SLAIN1: variants seen among roughly 807,000 people sequenced by gnomAD.
SLAIN1 encodes SLAIN motif-containing protein 1.
Under a neutral mutation model 55.4 loss-of-function variants are expected in SLAIN1, and 17 were observed. That is an observed-to-expected ratio of 0.31 (90% confidence interval 0.21 to 0.46). SLAIN1 has a LOEUF of 0.46. Among genes scored for constraint, SLAIN1 ranks in the 20% least tolerant of loss-of-function variants. The pLI is 1.00. For missense variants in SLAIN1, 682 were observed against 785.1 expected, an observed-to-expected ratio of 0.87 and a Z score of 1.57; for synonymous variants, 348 against 337.4, an observed-to-expected ratio of 1.03 and a Z score of -0.35.
At chr13:77,728,956 G>A (rs1309674426) in intron 2 of SLAIN1, among the ~76,000 whole-genome samples, 1 of 152,122 alleles carries the variant, frequency 6.6e-6, no homozygotes, top group Non-Finnish European at 1.5e-5. Flanking sequence ...AAAACAATCT[G>A]GAATCATATT....
chr13:77,752,540 A>G (rs914048972), intron 4 of SLAIN1, among the ~76,000 whole-genome samples: 3 of 152,078 alleles, frequency 2.0e-5, no homozygotes, highest in African/African-American at 7.2e-5. Context: ...ATGAAGGGGC[A>G]TTGATTAAGG....
chr13:77,698,672 G>A lies in SLAIN1; in HGVS notation c.626+133G>A. ...ACTCCCCGCGGCTCCCGGAGGGGCC[G>A]ACCCAGCAGGTGTTGAGCCAGGCGG... On this transcript the variant is annotated intron_variant, in intron 1 of 6. Coordinates refer to ENST00000418532, the MANE Select transcript of SLAIN1 (RefSeq NM_001242868.2). This position sits in a 1 kb window ranked among gnomAD's most constrained non-coding sequence, Gnocchi z 4.1. 2 of 1,254,398 alleles carry A rather than the reference G, an allele frequency of 1.6e-6. No individual in the cohort carries two copies. Among genetic ancestry groups the A allele is most frequent in the Non-Finnish European group, 2.0e-6 (2 of 978,836 alleles). The allele number at this position is 1,254,398 out of a possible 1,614,324, so 77.7% of individuals were successfully genotyped here. A position where few individuals can be genotyped will look rare whatever the true frequency, so the allele number is the denominator to read the frequency against.
chr13:77,713,667 C>T (rs1004638168), intron 1 of SLAIN1, among the ~76,000 whole-genome samples: 4 of 152,170 alleles, frequency 2.6e-5, no homozygotes, highest in Non-Finnish European at 5.9e-5. Context: ...CATCCCATTA[C>T]TGGGTATATA....
intron 1 of SLAIN1, among the ~76,000 whole-genome samples, chr13:77,701,165 A>G (rs1396665223): frequency 6.6e-6 from 1 of 152,116 alleles, no homozygotes; most frequent in Admixed American, 6.5e-5. Flanking sequence ...TTTTTCATGC[A>G]TTTTTTATTG....
At chr13:77,751,893 T>A (rs372294679) in intron 4 of SLAIN1, among the ~76,000 whole-genome samples, 1 of 152,194 alleles carries the variant, frequency 6.6e-6, no homozygotes, top group African/African-American at 2.4e-5. Flanking sequence ...TTTTTCAGTT[T>A]AAATGACCTG....
intron 1 of SLAIN1, among the ~76,000 whole-genome samples, chr13:77,718,060 A>C (rs2091225174): frequency 6.6e-6 from 1 of 151,624 alleles, no homozygotes; most frequent in Non-Finnish European, 1.5e-5. Flanking sequence ...AACTATATAT[A>C]CTCTTGATGG....
At chr13:77,746,431 A>C in intron 3 of SLAIN1, 83 bp from the exon 4 acceptor site, 1 of 1,232,622 alleles carries the variant, frequency 8.1e-7, no homozygotes, top group East Asian at 2.4e-5. Context: ...TATTTGGCAC[A>C]ATTTTTCATC....
intron 5 of SLAIN1, 150 bp from the exon 6 acceptor site, chr13:77,760,678 T>A (rs2154411078): frequency 1.2e-6 from 1 of 802,090 alleles, no homozygotes; most frequent in Non-Finnish European, 1.9e-6. Context: ...ATTTTCCATT[T>A]CTCAGTGCTG....
chr13:77,758,540 AG>A (rs1874771163), intron 5 of SLAIN1, among the ~76,000 whole-genome samples: 1 of 152,116 alleles, frequency 6.6e-6, no homozygotes, highest in African/African-American at 2.4e-5. Context: ...ATTATCTTCT[AG>A]AATTTTTATG....
At chr13:77,724,442 C>T (rs2091289594) in intron 2 of SLAIN1, among the ~76,000 whole-genome samples, 2 of 152,148 alleles carry the variant, frequency 1.3e-5, no homozygotes, top group Admixed American at 1.3e-4. Flanking sequence ...TTGTGACCAT[C>T]CCGAGTGTGA....
At chr13:77,715,311 T>C (rs1219463140) in intron 1 of SLAIN1, among the ~76,000 whole-genome samples, 1 of 152,234 alleles carries the variant, frequency 6.6e-6, no homozygotes, top group Non-Finnish European at 1.5e-5. Context: ...GATTTCATCA[T>C]TGTAACCATG....
At chr13:77,755,566 G>C (rs1028562081) in intron 5 of SLAIN1, among the ~76,000 whole-genome samples, 2 of 152,130 alleles carry the variant, frequency 1.3e-5, no homozygotes, top group African/African-American at 4.8e-5. Context: ...CAGGAACCAA[G>C]TTGAAGGAAC....
intron 4 of SLAIN1, among the ~76,000 whole-genome samples, 158 bp downstream of exon 4, chr13:77,747,013 A>G (rs564784892): frequency 5.1e-4 from 77 of 151,940 alleles, no homozygotes; most frequent in African/African-American, 1.7e-3. Flanking sequence ...TGCAACCTCC[A>G]CCTCCTAGGT....
intron 1 of SLAIN1, among the ~76,000 whole-genome samples, chr13:77,706,323 A>C (rs952020587): frequency 1.3e-5 from 2 of 152,080 alleles, no homozygotes; most frequent in Admixed American, 6.6e-5. Context: ...AGTCCTGTTA[A>C]TTGCATGTTA....
chr13:77,707,197 T>C (rs544460843), intron 1 of SLAIN1, among the ~76,000 whole-genome samples: 6 of 152,150 alleles, frequency 3.9e-5, no homozygotes, highest in Admixed American at 6.6e-5. Context: ...GATTTTCTTA[T>C]CTGTCTTATC....
At chr13:77,741,418 T>C (rs983017774) in intron 2 of SLAIN1, 12 of 987,288 alleles carry the variant, frequency 1.2e-5, no homozygotes, top group Admixed American at 6.2e-5. Context: ...CTGGCTCCGA[T>C]TGGGAAAAGC....
At chr13:77,715,256 G>A (rs1201387946) in intron 1 of SLAIN1, among the ~76,000 whole-genome samples, 1 of 152,118 alleles carries the variant, frequency 6.6e-6, no homozygotes, top group African/African-American at 2.4e-5. Flanking sequence ...TGAAATTTGT[G>A]TTATTACATG....
chr13:77,763,312 TC>T lies in SLAIN1; in HGVS notation c.*93del, dbSNP rs1875208085. 2.1e-6 allele frequency: 2 copies of T among 957,084 alleles called. No homozygotes were observed. Among genetic ancestry groups the T allele is most frequent in the African/African-American group, 3.3e-5 (2 of 61,480 alleles). The allele number at this position is 957,084 out of a possible 1,614,324, so 59.3% of individuals were successfully genotyped here. A position where few individuals can be genotyped will look rare whatever the true frequency, so the allele number is the denominator to read the frequency against. ...TGGGTAGCAGTGGATGTTGGGATAT[TC>T]TTTCCCTTTTGTGTTTTAATATATT... is the stretch of plus-strand genomic sequence containing the variant. On this transcript the variant is annotated 3_prime_UTR_variant, in exon 7 of 7. Coordinates refer to ENST00000418532, the MANE Select transcript of SLAIN1 (RefSeq NM_001242868.2).
rs145070845 is a variant in SLAIN1, at chr13:77,725,311, C to T, written c.766+5640C>T. Among the ~76,000 whole-genome samples, 60 of 152,220 alleles carry T rather than the reference C, an allele frequency of 3.9e-4. No individual in the cohort carries two copies. In the East Asian group the frequency reaches 0.011, roughly 27 times the overall value. On this transcript the variant is annotated intron_variant, in intron 2 of 6. Coordinates refer to ENST00000418532, the MANE Select transcript of SLAIN1 (RefSeq NM_001242868.2). The stretch of plus-strand genomic sequence containing the variant: ...TGTTGCAAAGTGATTAATTGAAGTC[C>T]TTAGGAGTTATACATCTCCCTCTGT...
Sources: gnomAD v4.1 joint callset for allele counts (sites outside exome capture counted in the v4.1 genomes callset) on GRCh38, gnomAD v4.1.1 for gene constraint, Gnocchi (gnomAD v3.1) non-coding constraint, MANE v1.5 for transcripts, NCBI Gene and HGNC (gene_info 2026-07-23, HGNC 2026-07-21) for gene names.